EDAR: variants seen among roughly 807,000 people sequenced by gnomAD.
EDAR encodes the protein ectodysplasin A receptor.
Under a neutral mutation model 51.3 loss-of-function variants are expected in EDAR, and 38 were observed. That is an observed-to-expected ratio of 0.74 (90% CI 0.57 to 0.97). The LOEUF is 0.97. Among genes scored for constraint, EDAR ranks in the 50% least tolerant of loss-of-function variants. The pLI is 0.00. For synonymous variants in EDAR, 227 were observed against 242.1 expected (o/e 0.94, Z 0.58); for missense variants, 528 against 595.0 (o/e 0.89, Z 1.17).
chr2:108,904,929 T>C (rs1696773331), intron 11 of EDAR, among the ~76,000 whole-genome samples: 1 of 152,218 alleles, frequency 6.6e-6, no homozygotes, highest in Non-Finnish European at 1.5e-5. Context: ...CTTCTGTGTA[T>C]AGTTTTGCAA....
At chr2:108,924,625 G>T (rs928479828) in intron 4 of EDAR, among the ~76,000 whole-genome samples, 1 of 152,176 alleles carries the variant, frequency 6.6e-6, no homozygotes, top group Non-Finnish European at 1.5e-5. Flanking sequence ...GGGGGTCTGT[G>T]GGCTCCTGCC....
At chr2:108,906,079 C>G (rs981867937) in intron 11 of EDAR, among the ~76,000 whole-genome samples, 2 of 152,238 alleles carry the variant, frequency 1.3e-5, no homozygotes, top group African/African-American at 4.8e-5. Flanking sequence ...GTCTCCCGCC[C>G]CATGAGGGGA....
At chr2:108,906,562 T>C (rs1696810641) in intron 10 of EDAR, among the ~76,000 whole-genome samples, 194 bp from the exon 11 acceptor site, 1 of 152,184 alleles carries the variant, frequency 6.6e-6, no homozygotes, top group Non-Finnish European at 1.5e-5. Flanking sequence ...TCAAACATTT[T>C]TGGGGTCTAC....
chr2:108,919,020 G>C (rs766202146), intron 5 of EDAR, among the ~76,000 whole-genome samples: 6 of 152,058 alleles, frequency 3.9e-5, no homozygotes, highest in African/African-American at 1.2e-4. Flanking sequence ...GCTGAGTCTC[G>C]GGCCCACTGG....
chr2:108,967,166 C>T (rs1320696213), intron 1 of EDAR, among the ~76,000 whole-genome samples: 1 of 152,158 alleles, frequency 6.6e-6, no homozygotes, highest in African/African-American at 2.4e-5. Flanking sequence ...AACTCCTGCC[C>T]TCAACTGATC....
chr2:108,902,404 C>A (rs924248871), intron 11 of EDAR, among the ~76,000 whole-genome samples: 1 of 151,928 alleles, frequency 6.6e-6, no homozygotes, highest in African/African-American at 2.4e-5. Flanking sequence ...AACAAAAAAA[C>A]CTCCCCAAAA....
chr2:108,976,867 C>T (rs529521550), intron 1 of EDAR, among the ~76,000 whole-genome samples: 1 of 152,118 alleles, frequency 6.6e-6, no homozygotes, highest in South Asian at 2.1e-4. Flanking sequence ...GCTCCAGGCT[C>T]CTCTTGTATT....
At chr2:108,944,739 G>A (rs1313547101) in intron 1 of EDAR, among the ~76,000 whole-genome samples, 1 of 152,180 alleles carries the variant, frequency 6.6e-6, no homozygotes, top group African/African-American at 2.4e-5. Context: ...CCGTGCAGAG[G>A]AGGGAGCTGT....
intron 1 of EDAR, among the ~76,000 whole-genome samples, chr2:108,966,980 G>A (rs1698160047): frequency 6.6e-6 from 1 of 152,234 alleles, no homozygotes; most frequent in Admixed American, 6.5e-5. Context: ...TGTTGCCCAG[G>A]CTGGAGTGCT....
chr2:108,907,717 G>A, intron 10 of EDAR, 143 bp downstream of exon 10: 2 of 917,778 alleles, frequency 2.2e-6, no homozygotes, highest in Non-Finnish European at 3.5e-6. Context: ...CTGTGAACTT[G>A]TCACTGTCCA....
In EDAR at chr2:108,896,744, G is replaced by T; in HGVS notation, c.*163C>A. ...CTAGTCCTTTATCTTTGGTTAAATT[G>T]GAAGACAGGCCTTATTTCGTCTGGC... On this transcript the variant is annotated 3_prime_UTR_variant, in exon 12 of 12. Transcript: ENST00000258443. 1.5e-6 allele frequency: 1 copy of T among 669,356 alleles called. No homozygotes were observed. The highest frequency in any genetic ancestry group is 2.5e-6 in the Non-Finnish European group (1 of 398,800). 41.5% of individuals were successfully genotyped at this position (669,356 alleles called of 1,614,324 possible).
At chr2:108,982,557 A>G (rs1698437233) in intron 1 of EDAR, among the ~76,000 whole-genome samples, 3 of 152,270 alleles carry the variant, frequency 2.0e-5, no homozygotes, top group Non-Finnish European at 2.9e-5. Context: ...TTCAAAAGCA[A>G]CAACTGTGAT....
At chr2:108,937,440 TG>T (rs199515391) in intron 1 of EDAR, among the ~76,000 whole-genome samples, 2,224 of 152,220 alleles carry the variant, frequency 0.015, 25 homozygotes, top group South Asian at 0.03. Flanking sequence ...GTATTGTATA[TG>T]TGAGGATGTG....
At chr2:108,929,522 C>T (rs991009435) in intron 3 of EDAR, 143 bp from the exon 4 acceptor site, 15 of 854,846 alleles carry the variant, frequency 1.8e-5, no homozygotes, top group Admixed American at 6.0e-5. Context: ...GTTGTCCTAA[C>T]TGCAAAACCC....
intron 1 of EDAR, among the ~76,000 whole-genome samples, chr2:108,956,533 G>A (rs532181217): frequency 8.5e-5 from 13 of 152,290 alleles, no homozygotes; most frequent in Admixed American, 4.6e-4. Context: ...AACTACACAT[G>A]GCATTGAAAT....
At chr2:108,986,635 C>T (rs565428326) in intron 1 of EDAR, among the ~76,000 whole-genome samples, 1 of 152,290 alleles carries the variant, frequency 6.6e-6, no homozygotes, top group East Asian at 1.9e-4. Context: ...CTCTCTGAGC[C>T]TCAATTTCCT....
intron 4 of EDAR, among the ~76,000 whole-genome samples, chr2:108,926,930 T>C (rs1291111239): frequency 6.6e-6 from 1 of 152,146 alleles, no homozygotes; most frequent in Non-Finnish European, 1.5e-5. Context: ...TGACACAGCG[T>C]GACAGCCTCG....
intron 4 of EDAR, among the ~76,000 whole-genome samples, chr2:108,928,350 T>C (rs1697297489): frequency 6.6e-6 from 1 of 152,160 alleles, no homozygotes; most frequent in Admixed American, 6.5e-5. Flanking sequence ...TCCCCAGCCA[T>C]GAGGTGAGAG....
intron 5 of EDAR, among the ~76,000 whole-genome samples, chr2:108,921,340 C>T (rs1697135857): frequency 6.6e-6 from 1 of 152,210 alleles, no homozygotes; most frequent in African/African-American, 2.4e-5. Flanking sequence ...GGGTGTCATC[C>T]TCAGCCAGGG....
Sources: allele counts gnomAD v4.1 joint callset (sites outside exome capture counted in the v4.1 genomes callset), GRCh38; gene constraint gnomAD v4.1.1; transcripts MANE v1.5; gene names NCBI Gene and HGNC (gene_info 2026-07-23, HGNC 2026-07-21).